The following IPCEF1 variants were observed in gnomAD, a reference collection of about 807,000 sequenced individuals.
IPCEF1 encodes interactor protein for cytohesin exchange factors 1.
IPCEF1 carries 31 observed loss-of-function variants against 50.9 expected under a neutral mutation model. The observed-to-expected ratio is 0.61, with a 90% CI of 0.46 to 0.82. IPCEF1 has a LOEUF of 0.82. Among genes scored for constraint, IPCEF1 ranks in the 40% least tolerant of loss-of-function variants. IPCEF1 has a pLI of 0.00. For synonymous variants in IPCEF1, 181 were observed against 192.0 expected, an observed-to-expected ratio of 0.94 and a Z score of 0.47; for missense variants, 458 against 514.0, an observed-to-expected ratio of 0.89 and a Z score of 1.05.
chr6:154,275,079 C>G (rs985354970), intron 2 of IPCEF1, among the ~76,000 whole-genome samples: 1 of 152,174 alleles, frequency 6.6e-6, no homozygotes, highest in African/African-American at 2.4e-5. Flanking sequence ...AGTGGCAGCT[C>G]TTGTTCAGTT....
chr6:154,272,885 GA>G (rs999525170), intron 2 of IPCEF1, among the ~76,000 whole-genome samples: 55 of 151,866 alleles, frequency 3.6e-4, no homozygotes, highest in Non-Finnish European at 5.9e-4. Context: ...TAAGAATCAA[GA>G]AAAAAATTCC....
chr6:154,258,599 C>T lies in IPCEF1; in HGVS notation c.36+7313G>A, dbSNP rs190238942. Among the ~76,000 whole-genome samples the T allele has an allele frequency of 3.5e-3, 540 of 152,304 alleles. 6 individuals carry two copies. The highest frequency in any genetic ancestry group is 0.012 in the African/African-American group (501 of 41,558). Reference sequence around the variant, plus strand: ...TTCCCCTCTCCTACACATTTGCTCACGCACCACCCATGTCCAGGTTGCTTC... The same window carrying T: ...TTCCCCTCTCCTACACATTTGCTCATGCACCACCCATGTCCAGGTTGCTTC... On this transcript the variant is annotated intron_variant, in intron 3 of 11. Transcript: ENST00000367220.
At chr6:154,287,106 A>T (rs1277557512) in intron 2 of IPCEF1, among the ~76,000 whole-genome samples, 1 of 147,542 alleles carries the variant, frequency 6.8e-6, no homozygotes, top group Non-Finnish European at 1.5e-5. Flanking sequence ...TTTTAAAATT[A>T]AAAAATAAAA....
intron 3 of IPCEF1, among the ~76,000 whole-genome samples, chr6:154,258,793 T>G (rs910720043): frequency 2.0e-5 from 3 of 152,230 alleles, no homozygotes; most frequent in Admixed American, 6.5e-5. Context: ...ACTACAACTC[T>G]GCTTAAAATG....
chr6:154,349,246 C>T (rs1727422758), intron 1 of IPCEF1, among the ~76,000 whole-genome samples: 1 of 151,542 alleles, frequency 6.6e-6, no homozygotes, highest in South Asian at 2.1e-4. Context: ...GGAATGAATG[C>T]AGTGGTGCGA....
intron 5 of IPCEF1, among the ~76,000 whole-genome samples, chr6:154,237,376 G>A (rs1198582659): frequency 1.3e-5 from 2 of 152,070 alleles, no homozygotes; most frequent in Admixed American, 6.6e-5. Flanking sequence ...TCCTTTACAC[G>A]GGGTCGGTAG....
intron 1 of IPCEF1, among the ~76,000 whole-genome samples, chr6:154,314,264 G>A (rs369263644): frequency 1.3e-5 from 2 of 152,204 alleles, no homozygotes; most frequent in Admixed American, 6.5e-5. Flanking sequence ...GAACAGATTC[G>A]GGGGAAATGC....
intron 3 of IPCEF1, among the ~76,000 whole-genome samples, chr6:154,249,482 C>G (rs1781283899): frequency 6.6e-6 from 1 of 152,134 alleles, no homozygotes; most frequent in Non-Finnish European, 1.5e-5. Flanking sequence ...GCACTTGAGA[C>G]AAACCAAGAA....
At chr6:154,286,819 T>C (rs1782370915) in intron 2 of IPCEF1, among the ~76,000 whole-genome samples, 4 of 152,182 alleles carry the variant, frequency 2.6e-5, no homozygotes, top group Admixed American at 2.6e-4. Flanking sequence ...AACAAGTTGC[T>C]GGGAATAAAG....
At chr6:154,222,918 C>G in intron 6 of IPCEF1, 1 of 517,292 alleles carries the variant, frequency 1.9e-6, no homozygotes, top group Non-Finnish European at 3.5e-6. Context: ...ATCACAGACA[C>G]AGTCATCAAC....
At chr6:154,351,975 C>T (rs1784127109) in intron 1 of IPCEF1, among the ~76,000 whole-genome samples, 1 of 152,126 alleles carries the variant, frequency 6.6e-6, no homozygotes, top group Non-Finnish European at 1.5e-5. Context: ...CACACTGAGG[C>T]CTGTGAGGGC....
At chr6:154,231,027 A>G (rs1363974862) in intron 5 of IPCEF1, among the ~76,000 whole-genome samples, 1 of 152,216 alleles carries the variant, frequency 6.6e-6, no homozygotes, top group Non-Finnish European at 1.5e-5. Context: ...CCATTTCTCC[A>G]TATAAATCTA....
intron 5 of IPCEF1, among the ~76,000 whole-genome samples, chr6:154,227,994 A>G (rs1253296088): frequency 9.9e-5 from 15 of 152,140 alleles, no homozygotes. Flanking sequence ...TTGCAAAAAA[A>G]AAATGCCTCA....
At chr6:154,335,184 C>T (rs964061554) in intron 1 of IPCEF1, among the ~76,000 whole-genome samples, 1 of 146,702 alleles carries the variant, frequency 6.8e-6, no homozygotes, top group Admixed American at 6.6e-5. Context: ...AAGATAATGT[C>T]TATCTGTCAG....
intron 3 of IPCEF1, among the ~76,000 whole-genome samples, chr6:154,265,291 T>A (rs1562572031): frequency 1.3e-5 from 2 of 152,134 alleles, no homozygotes; most frequent in Non-Finnish European, 2.9e-5. Context: ...ATTATGTTTT[T>A]TTTTTTTGAG....
At chr6:154,236,212 T>A (rs989379874) in intron 5 of IPCEF1, among the ~76,000 whole-genome samples, 2 of 152,176 alleles carry the variant, frequency 1.3e-5, no homozygotes, top group African/African-American at 4.8e-5. Flanking sequence ...AAGATTCAGC[T>A]TAAAAAGGAA....
At chr6:154,180,414 A>ATATATATATATTTT (rs1241250621) in intron 10 of IPCEF1, among the ~76,000 whole-genome samples, 39 of 65,242 alleles carry the variant, frequency 6.0e-4, no homozygotes, top group African/African-American at 1.6e-3. Flanking sequence ...ATATATATAT[A>ATATATATATATTTT]TTTTTTTTTT....
At chr6:154,322,527 A>T (rs1330132038) in intron 1 of IPCEF1, among the ~76,000 whole-genome samples, 3 of 152,060 alleles carry the variant, frequency 2.0e-5, no homozygotes, top group Non-Finnish European at 4.4e-5. Flanking sequence ...GGAAAAGAAG[A>T]GGTAAAACTG....
rs1341119430 is a variant in IPCEF1, at chr6:154,274,115, C to A, written c.-17-8151G>T. Among the ~76,000 whole-genome samples the A allele has an allele frequency of 6.0e-5, 9 of 151,204 alleles. No individual in the cohort carries two copies. The East Asian group carries it at 1.7e-3, about 29-fold the overall frequency. On this transcript the variant is annotated intron_variant, in intron 2 of 11. Coordinates refer to ENST00000367220, the MANE Select transcript of IPCEF1 (RefSeq NM_001130700.2). ...CTGATTCCAATCCATTTTCTACTTG[C>A]TATAGAATATTCTCATTCTTTCTCT...
Sources: allele counts gnomAD v4.1 joint callset (sites outside exome capture counted in the v4.1 genomes callset), GRCh38; gene constraint gnomAD v4.1.1; transcripts MANE v1.5; gene names NCBI Gene and HGNC (gene_info 2026-07-23, HGNC 2026-07-21).